The following SMYD3 variants were observed in gnomAD, a reference collection of about 807,000 sequenced individuals.
The protein encoded by SMYD3 is histone-lysine N-methyltransferase SMYD3.
Under a neutral mutation model 57.7 loss-of-function variants are expected in SMYD3, and 36 were observed. The observed-to-expected ratio is 0.62, with a 90% CI of 0.48 to 0.82. The LOEUF is 0.82. SMYD3 is among the 40% of genes least tolerant of loss of function. SMYD3 has a pLI of 0.00. For synonymous variants in SMYD3, 211 were observed against 195.0 expected, an observed-to-expected ratio of 1.08 and a Z score of -0.68; for missense variants, 515 against 538.8, an observed-to-expected ratio of 0.96 and a Z score of 0.44.
intron 5 of SMYD3, among the ~76,000 whole-genome samples, chr1:246,184,611 A>G (rs1460577714): frequency 3.3e-5 from 5 of 152,220 alleles, no homozygotes; most frequent in African/African-American, 1.2e-4. Context: ...GGGGCTTCTC[A>G]GACAGTAATT....
intron 1 of SMYD3, among the ~76,000 whole-genome samples, chr1:246,464,246 T>C (rs936204931): frequency 6.6e-6 from 1 of 152,148 alleles, no homozygotes; most frequent in Admixed American, 6.5e-5. Flanking sequence ...CCTGGTGCAG[T>C]GGCTCACTCC....
chr1:245,871,185 C>T (rs1249151403), intron 8 of SMYD3, among the ~76,000 whole-genome samples: 1 of 152,192 alleles, frequency 6.6e-6, no homozygotes, highest in Non-Finnish European at 1.5e-5. Flanking sequence ...AGTGTCTGCA[C>T]TCAAGAGAGA....
intron 5 of SMYD3, among the ~76,000 whole-genome samples, chr1:246,084,008 A>ATT (rs968363664): frequency 6.6e-6 from 1 of 151,464 alleles, no homozygotes; most frequent in Non-Finnish European, 1.5e-5. Flanking sequence ...CCACCCAAGG[A>ATT]TTTTTTTTTA....
intron 8 of SMYD3, among the ~76,000 whole-genome samples, chr1:245,911,317 G>A (rs2054960956): frequency 6.6e-6 from 1 of 151,950 alleles, no homozygotes. Flanking sequence ...GGTTCCTCAA[G>A]AAACTACAAA....
At chr1:246,246,900 T>C (rs538056133) in intron 5 of SMYD3, among the ~76,000 whole-genome samples, 12 of 151,700 alleles carry the variant, frequency 7.9e-5, no homozygotes, top group Middle Eastern at 6.8e-3. Flanking sequence ...CAGTCTCACA[T>C]AGGGATGAAT....
At chr1:246,019,369 T>C (rs1274308490) in intron 5 of SMYD3, among the ~76,000 whole-genome samples, 1 of 152,248 alleles carries the variant, frequency 6.6e-6, no homozygotes, top group East Asian at 1.9e-4. Context: ...TCAAACGCTT[T>C]ACAGCTATTC....
chr1:246,238,318 A>G (rs2063544128), intron 5 of SMYD3, among the ~76,000 whole-genome samples: 1 of 152,142 alleles, frequency 6.6e-6, no homozygotes, highest in Admixed American at 6.5e-5. Context: ...GGAGTGTGCC[A>G]CCACACCTGG....
intron 10 of SMYD3, chr1:245,814,223 C>T (rs888395832): frequency 4.1e-6 from 1 of 244,060 alleles, no homozygotes. Context: ...GGACAAGGAC[C>T]TGCATTTCTG....
chr1:246,112,090 A>G (rs1431681329), intron 5 of SMYD3, among the ~76,000 whole-genome samples: 3 of 152,230 alleles, frequency 2.0e-5, no homozygotes, highest in Admixed American at 2.0e-4. Context: ...GCAACCAAAT[A>G]ATATTATATA....
At chr1:246,114,392 G>C (rs1465543585) in intron 5 of SMYD3, among the ~76,000 whole-genome samples, 1 of 152,234 alleles carries the variant, frequency 6.6e-6, no homozygotes, top group East Asian at 1.9e-4. Context: ...ACAAGGAAGA[G>C]GCCAGCCCCC....
intron 5 of SMYD3, among the ~76,000 whole-genome samples, chr1:245,993,148 G>A (rs993482510): frequency 3.3e-5 from 5 of 152,184 alleles, no homozygotes; most frequent in Admixed American, 1.3e-4. Flanking sequence ...TGTTTGAAGC[G>A]TTACACCCTT....
chr1:246,092,942 G>A (rs1173533102), intron 5 of SMYD3, among the ~76,000 whole-genome samples: 3 of 151,180 alleles, frequency 2.0e-5, no homozygotes, highest in African/African-American at 7.3e-5. Flanking sequence ...AACAAAAAAT[G>A]GGCAAATTAA....
At chr1:245,885,219 G>T (rs1381656020) in intron 8 of SMYD3, among the ~76,000 whole-genome samples, 1 of 152,086 alleles carries the variant, frequency 6.6e-6, no homozygotes, top group African/African-American at 2.4e-5. Context: ...ACATCTGAAG[G>T]AATAAACTCC....
intron 1 of SMYD3, among the ~76,000 whole-genome samples, chr1:246,454,271 C>T (rs555857593): frequency 2.0e-5 from 3 of 152,108 alleles, no homozygotes; most frequent in South Asian, 4.1e-4. Context: ...AGTCAAGCAA[C>T]CAGGCAACCA....
Position 246,094,117 on chromosome 1 carries a change from G to C in SMYD3, c.532-164180C>G, listed in dbSNP as rs149045098. Among the ~76,000 whole-genome samples the C allele has an allele frequency of 1.7e-3, 254 of 152,256 alleles. 1 individual carries two copies. The highest frequency in any genetic ancestry group is 5.8e-3 in the African/African-American group (240 of 41,550). On this transcript the variant is annotated intron_variant, in intron 5 of 11. Coordinates refer to ENST00000490107, the MANE Select transcript of SMYD3 (RefSeq NM_001167740.2). The stretch of plus-strand genomic sequence containing the variant: ...CACTACAAGGACTACTCCAGCCGCT[G>C]TCATGGGGGCAGCTGCCTGCGGGAG...
At chr1:246,227,933 A>AC (rs2063352310) in intron 5 of SMYD3, among the ~76,000 whole-genome samples, 1 of 149,338 alleles carries the variant, frequency 6.7e-6, no homozygotes, top group Admixed American at 6.7e-5. Flanking sequence ...TTTACCTAAC[A>AC]CCACATTTCC....
chr1:246,174,732 C>T (rs2062404363), intron 5 of SMYD3, among the ~76,000 whole-genome samples: 1 of 152,204 alleles, frequency 6.6e-6, no homozygotes. Flanking sequence ...CAGGTACACA[C>T]CGCTGCATGA....
At position 246,119,706 on chromosome 1, in the gene SMYD3, C is replaced by A. The variant is rs199839567; in HGVS notation, c.532-189769G>T. 7.2e-5 allele frequency among the ~76,000 whole-genome samples: 11 copies of A among 152,292 alleles called. No individual in the cohort carries two copies. The East Asian group carries it at 1.5e-3, about 21-fold the overall frequency. ...GCCATTACAGGCATAAGCCACCACA[C>A]CTGGCCTAAAACACTCACTCTTGAA... On this transcript the variant is annotated intron_variant, in intron 5 of 11. Coordinates refer to ENST00000490107, the MANE Select transcript of SMYD3 (RefSeq NM_001167740.2).
In SMYD3 at chr1:246,443,734, G is replaced by A. The variant is rs2067505104; in HGVS notation, c.164+63320C>T. On this transcript the variant is annotated intron_variant, in intron 1 of 11. Coordinates refer to ENST00000490107, the MANE Select transcript of SMYD3 (RefSeq NM_001167740.2). Reference sequence around the variant, plus strand: ...AGGTTGACATGTTAATTTAATGATGGCATGGATATAGTTTCCAGTATGGTA... The same window carrying A: ...AGGTTGACATGTTAATTTAATGATGACATGGATATAGTTTCCAGTATGGTA... 2.0e-5 allele frequency among the ~76,000 whole-genome samples: 3 copies of A among 152,068 alleles called. No individual in the cohort carries two copies. In the South Asian group the frequency reaches 6.2e-4, roughly 32 times the overall value.
Sources: gnomAD v4.1 joint callset for allele counts (sites outside exome capture counted in the v4.1 genomes callset) on GRCh38, gnomAD v4.1.1 for gene constraint, MANE v1.5 for transcripts, NCBI Gene and HGNC (gene_info 2026-07-23, HGNC 2026-07-21) for gene names.